The following PIP4P2 variants were observed in gnomAD, a reference collection of about 807,000 sequenced individuals.
The protein encoded by PIP4P2 is phosphatidylinositol-4,5-bisphosphate 4-phosphatase 2.
A neutral mutation model predicts 33.3 loss-of-function variants in PIP4P2; 19 were observed. The ratio of observed to expected loss-of-function variants is 0.57; its 90% CI spans 0.40 to 0.84. PIP4P2 has a LOEUF of 0.84. Among genes scored for constraint, PIP4P2 ranks in the 40% least tolerant of loss-of-function variants. PIP4P2 has a pLI of 0.00. For missense variants in PIP4P2, 270 were observed against 324.7 expected (o/e 0.83, Z 1.29); for synonymous variants, 110 against 111.9 (o/e 0.98, Z 0.11).
rs912753614 is a variant in PIP4P2 at position 90,994,919 on chromosome 8, T to G, written c.*758A>C. The G allele has an allele frequency of 2.0e-5, 3 of 152,080 alleles. No individual in the cohort carries two copies. Among genetic ancestry groups the G allele is most frequent in the African/African-American group, 7.2e-5 (3 of 41,452 alleles). 9.4% of individuals were successfully genotyped at this position (152,080 alleles called of 1,614,324 possible). A position where few individuals can be genotyped will look rare whatever the true frequency, so the allele number is the denominator to read the frequency against. On this transcript the variant is annotated 3_prime_UTR_variant, in exon 7 of 7. Coordinates refer to ENST00000285419, the MANE Select transcript of PIP4P2 (RefSeq NM_018710.3). ...ATACATAGAGCTGATAAACATTAAA[T>G]TCCATAATCCAGACCAGATCTTTTA...
chr8:90,999,396 G>A (rs1811673236), intron 5 of PIP4P2, among the ~76,000 whole-genome samples: 1 of 152,072 alleles, frequency 6.6e-6, no homozygotes, highest in Non-Finnish European at 1.5e-5. Context: ...TTGGTAGTCA[G>A]CTGTACTCCC....
At chr8:90,999,279 T>G (rs1248111995) in intron 5 of PIP4P2, among the ~76,000 whole-genome samples, 1 of 151,950 alleles carries the variant, frequency 6.6e-6, no homozygotes, top group East Asian at 1.9e-4. Context: ...GCTGGTGAGG[T>G]TGTAGAGAGA....
At chr8:91,031,295 A>T (rs1812159410) in intron 1 of PIP4P2, among the ~76,000 whole-genome samples, 1 of 152,224 alleles carries the variant, frequency 6.6e-6, no homozygotes, top group Non-Finnish European at 1.5e-5. Context: ...AATAGAAATC[A>T]ATGTTTATTT....
intron 1 of PIP4P2, among the ~76,000 whole-genome samples, chr8:91,036,041 G>T (rs1259696540): frequency 1.3e-5 from 2 of 151,782 alleles, no homozygotes; most frequent in Non-Finnish European, 2.9e-5. Context: ...CAAAAAAACT[G>T]GAGGCCTCTG....
intron 5 of PIP4P2, among the ~76,000 whole-genome samples, chr8:91,008,169 A>T (rs1407968253): frequency 1.3e-5 from 2 of 151,462 alleles, no homozygotes; most frequent in African/African-American, 4.9e-5. Flanking sequence ...TAGTCTTGGG[A>T]CCCCCAACAC....
chr8:91,021,464 T>A, intron 1 of PIP4P2, 60 bp from the exon 2 acceptor site: 1 of 1,555,986 alleles, frequency 6.4e-7, no homozygotes. Flanking sequence ...CTGGTTTGAG[T>A]ATAGAGGCAA....
chr8:91,004,279 T>G (rs1017972250), intron 5 of PIP4P2, among the ~76,000 whole-genome samples: 6 of 151,244 alleles, frequency 4.0e-5, no homozygotes, highest in African/African-American at 1.5e-4. Context: ...AGGAAAAGAG[T>G]GTCCAAGTTC....
At chr8:91,017,534 T>C (rs565763172) in intron 4 of PIP4P2, among the ~76,000 whole-genome samples, 2 of 152,244 alleles carry the variant, frequency 1.3e-5, no homozygotes, top group South Asian at 2.1e-4. Context: ...GATGAGAAGA[T>C]TGCAGTCCCA....
chr8:91,027,654 G>A (rs796598731), intron 1 of PIP4P2, among the ~76,000 whole-genome samples: 2 of 151,988 alleles, frequency 1.3e-5, no homozygotes, highest in African/African-American at 2.4e-5. Context: ...TGAATTTAGC[G>A]AGATTTTCTG....
chr8:91,026,336 G>T (rs932628156), intron 1 of PIP4P2, among the ~76,000 whole-genome samples: 2 of 151,948 alleles, frequency 1.3e-5, no homozygotes, highest in Non-Finnish European at 2.9e-5. Flanking sequence ...TTCAACATTC[G>T]CCAGAACCAG....
intron 4 of PIP4P2, among the ~76,000 whole-genome samples, chr8:91,009,445 G>A (rs1287708593): frequency 6.6e-6 from 1 of 152,018 alleles, no homozygotes; most frequent in Non-Finnish European, 1.5e-5. Context: ...TAAATTTAAA[G>A]TAAATCTTTA....
intron 5 of PIP4P2, 131 bp from the exon 6 acceptor site, chr8:90,996,875 CAA>C: frequency 1.4e-6 from 1 of 690,096 alleles, no homozygotes; most frequent in Non-Finnish European, 2.4e-6. Context: ...ACTTTACAGA[CAA>C]GAACATGCAT....
At chr8:91,026,163 G>A (rs893161995) in intron 1 of PIP4P2, among the ~76,000 whole-genome samples, 2 of 152,108 alleles carry the variant, frequency 1.3e-5, no homozygotes, top group Non-Finnish European at 2.9e-5. Flanking sequence ...GTGATATTGG[G>A]AGGCTGCAAG....
At chr8:91,040,608 T>A in intron 1 of PIP4P2, 36 bp downstream of exon 1, 1 of 1,610,606 alleles carries the variant, frequency 6.2e-7, no homozygotes, top group Non-Finnish European at 8.5e-7. Context: ...GCAAATCTAC[T>A]TCCTTGCAAA....
Position 91,040,836 on chromosome 8 carries a change from G to T in PIP4P2, c.-87C>A, listed in dbSNP as rs1586190568. 1 of 1,228,294 alleles carries T rather than the reference G, an allele frequency of 8.1e-7. No individual in the cohort carries two copies. The highest frequency in any genetic ancestry group is 1.2e-6 in the Non-Finnish European group (1 of 865,888). 76.1% of individuals were successfully genotyped at this position (1,228,294 alleles called of 1,614,324 possible). A position where few individuals can be genotyped will look rare whatever the true frequency, so the allele number is the denominator to read the frequency against. On this transcript the variant is annotated 5_prime_UTR_variant, in exon 1 of 7. Transcript: ENST00000285419. ...GGCTACTGCTGCTGCCTCTGCTGCC[G>T]CTGCTGCCGCTGCAGCTGCTGCTGC...
chr8:91,035,560 C>T (rs1277928171), intron 1 of PIP4P2, among the ~76,000 whole-genome samples: 1 of 152,194 alleles, frequency 6.6e-6, no homozygotes, highest in Non-Finnish European at 1.5e-5. Context: ...CCGGCAGCTA[C>T]ATTCACCTTC....
chr8:91,037,500 T>C (rs1458197669), intron 1 of PIP4P2, among the ~76,000 whole-genome samples: 1 of 152,230 alleles, frequency 6.6e-6, no homozygotes, highest in Non-Finnish European at 1.5e-5. Flanking sequence ...AGGTATTGCA[T>C]ATATTTCCAG....
intron 3 of PIP4P2, among the ~76,000 whole-genome samples, 155 bp downstream of exon 3, chr8:91,020,002 C>T (rs945863924): frequency 6.6e-6 from 1 of 152,138 alleles, no homozygotes; most frequent in Admixed American, 6.6e-5. Flanking sequence ...TCAAACTAAG[C>T]TTATCATTCC....
intron 3 of PIP4P2, 42 bp downstream of exon 3, chr8:91,020,115 T>A (rs1811985083): frequency 1.3e-6 from 2 of 1,592,466 alleles, no homozygotes. Context: ...ACTTGTTGAA[T>A]GAACAAATGA....
Sources: gnomAD v4.1 joint callset for allele counts (sites outside exome capture counted in the v4.1 genomes callset) on GRCh38, gnomAD v4.1.1 for gene constraint, MANE v1.5 for transcripts, NCBI Gene and HGNC (gene_info 2026-07-23, HGNC 2026-07-21) for gene names.